Variants in ROR1 observed in about 807,000 individuals in gnomAD.
ROR1 encodes ROR family WNT receptor 1, also known as inactive tyrosine-protein kinase transmembrane receptor ROR1.
Under a neutral mutation model 78.8 loss-of-function variants are expected in ROR1, and 19 were observed. The observed-to-expected ratio is 0.24, with a 90% CI of 0.17 to 0.35. ROR1 has a LOEUF of 0.35. Among genes scored for constraint, ROR1 ranks in the 10% least tolerant of loss-of-function variants. ROR1 has a pLI of 1.00. For synonymous variants in ROR1, 386 were observed against 433.6 expected (o/e 0.89, Z 1.36); for missense variants, 917 against 1,177.8 (o/e 0.78, Z 3.24).
chr1:63,870,566 TTAGGTGTGGGTATA>T, intron 1 of ROR1, among the ~76,000 whole-genome samples: 1 of 152,200 alleles, frequency 6.6e-6, no homozygotes, highest in African/African-American at 2.4e-5. Context: ...GTAGACCAAG[TTAGGTGTGGGTATA>T]TATTAATAGT....
At chr1:64,041,360 A>C (rs144757206) in intron 2 of ROR1, among the ~76,000 whole-genome samples, 8 of 152,216 alleles carry the variant, frequency 5.3e-5, no homozygotes, top group Non-Finnish European at 1.0e-4. Flanking sequence ...TTTGGTAGAG[A>C]TCTTTTCTTA....
At chr1:63,821,602 A>T (rs1644923813) in intron 1 of ROR1, among the ~76,000 whole-genome samples, 1 of 152,196 alleles carries the variant, frequency 6.6e-6, no homozygotes, top group African/African-American at 2.4e-5. Flanking sequence ...AATTGAGTGC[A>T]GGTCTCTTAG....
chr1:64,170,870 G>A (rs940909430), intron 8 of ROR1, among the ~76,000 whole-genome samples: 1 of 152,134 alleles, frequency 6.6e-6, no homozygotes, highest in Non-Finnish European at 1.5e-5. Context: ...CATAACAAGA[G>A]TCACCTCTGC....
At chr1:64,132,381 G>A (rs1648944103) in intron 4 of ROR1, among the ~76,000 whole-genome samples, 1 of 152,124 alleles carries the variant, frequency 6.6e-6, no homozygotes, top group Non-Finnish European at 1.5e-5. Context: ...ACAAGTGTGT[G>A]TTTGAGTACC....
At position 64,059,708 on chromosome 1, in the gene ROR1, T is replaced by TAAA. The variant is rs75359961; in HGVS notation, c.482+9008_482+9010dup. On this transcript the variant is annotated intron_variant, in intron 4 of 8. Coordinates refer to ENST00000371079, the MANE Select transcript of ROR1 (RefSeq NM_005012.4). The stretch of plus-strand genomic sequence containing the variant: ...TGGGTGACACAGCGAGACTCCATCT[T>TAAA]AAAAAAAAAAAAAAAAAAGAGATGT... 8.2e-4 allele frequency among the ~76,000 whole-genome samples: 107 copies of TAAA among 130,794 alleles called. 1 individual carries two copies. Among genetic ancestry groups the TAAA allele is most frequent in the East Asian group, 2.0e-3 (9 of 4,482 alleles). 85.8% of individuals were successfully genotyped at this position (130,794 alleles called of 152,430 possible). A position where few individuals can be genotyped will look rare whatever the true frequency, so the allele number is the denominator to read the frequency against.
At chr1:64,148,083 C>A (rs1268966337) in intron 7 of ROR1, among the ~76,000 whole-genome samples, 1 of 152,146 alleles carries the variant, frequency 6.6e-6, no homozygotes, top group Non-Finnish European at 1.5e-5. Flanking sequence ...CAATAATATT[C>A]AATAGTAATT....
chr1:63,943,846 A>G (rs1645860786), intron 1 of ROR1, among the ~76,000 whole-genome samples: 1 of 152,262 alleles, frequency 6.6e-6, no homozygotes, highest in African/African-American at 2.4e-5. Flanking sequence ...AAAAGAAAAG[A>G]GAGAAACCAA....
At chr1:63,958,168 AT>A (rs1381615167) in intron 1 of ROR1, among the ~76,000 whole-genome samples, 1 of 152,168 alleles carries the variant, frequency 6.6e-6, no homozygotes, top group East Asian at 1.9e-4. Flanking sequence ...ACTGACATGA[AT>A]TATTTATTAT....
chr1:64,063,135 AGGAAAAAGAGGTTT>A (rs1331304396), intron 4 of ROR1, among the ~76,000 whole-genome samples: 3 of 152,224 alleles, frequency 2.0e-5, no homozygotes, highest in Non-Finnish European at 2.9e-5. Context: ...GATCAGGCAA[AGGAAAAAGAGGTTT>A]GGGATAGGGT....
At chr1:63,944,295 G>C (rs1471940678) in intron 1 of ROR1, among the ~76,000 whole-genome samples, 1 of 152,062 alleles carries the variant, frequency 6.6e-6, no homozygotes, top group East Asian at 1.9e-4. Context: ...CTTCCTTTCA[G>C]AAGGTTGAAA....
chr1:64,099,737 A>C (rs1043594071), intron 4 of ROR1, among the ~76,000 whole-genome samples: 2 of 152,326 alleles, frequency 1.3e-5, no homozygotes, highest in South Asian at 4.1e-4. Flanking sequence ...TTGCTTAACT[A>C]AGTTTGTGGG....
At chr1:63,973,103 T>A (rs1289947992) in intron 1 of ROR1, among the ~76,000 whole-genome samples, 1 of 152,224 alleles carries the variant, frequency 6.6e-6, no homozygotes, top group Non-Finnish European at 1.5e-5. Context: ...CAGGCCTGTC[T>A]TGGCTTTGCA....
At chr1:63,919,733 G>A (rs1342045414) in intron 1 of ROR1, among the ~76,000 whole-genome samples, 3 of 152,172 alleles carry the variant, frequency 2.0e-5, no homozygotes, top group South Asian at 2.1e-4. Context: ...TAGTGCCGCC[G>A]TCATCATGCT....
intron 1 of ROR1, among the ~76,000 whole-genome samples, chr1:63,785,489 T>G (rs1048561564): frequency 2.7e-5 from 4 of 145,868 alleles, no homozygotes; most frequent in African/African-American, 1.1e-4. Flanking sequence ...CAACTATATA[T>G]ATATATATTT....
rs1644602578 is a variant in ROR1, at chr1:63,774,670, G to A, written c.91+162G>A. ...CGCCGGCGCCGCCAGGCCAGGGTTT[G>A]CCCCGGAGCCCCGCCAGGCCAGGGT... On this transcript the variant is annotated intron_variant, in intron 1 of 8. Transcript: ENST00000371079. This position sits in a 1 kb window ranked among gnomAD's most constrained non-coding sequence, Gnocchi z 5.7. Among the ~76,000 whole-genome samples, 1 of 150,468 alleles carries A rather than the reference G, an allele frequency of 6.6e-6. No individual in the cohort carries two copies. The highest frequency in any genetic ancestry group is 1.5e-5 in the Non-Finnish European group (1 of 67,504).
intron 1 of ROR1, among the ~76,000 whole-genome samples, chr1:63,801,114 C>G (rs1401720578): frequency 1.3e-5 from 2 of 151,802 alleles, no homozygotes; most frequent in Non-Finnish European, 2.9e-5. Flanking sequence ...GAGAAAATTG[C>G]TGTATTATTA....
intron 1 of ROR1, among the ~76,000 whole-genome samples, chr1:63,854,324 G>A (rs1645134942): frequency 6.6e-6 from 1 of 152,170 alleles, no homozygotes; most frequent in African/African-American, 2.4e-5. Flanking sequence ...GGCAGGAGGA[G>A]GTTCCTGCAT....
chr1:63,822,723 TTG>T (rs1021275796), intron 1 of ROR1, among the ~76,000 whole-genome samples: 4 of 152,182 alleles, frequency 2.6e-5, no homozygotes, highest in African/African-American at 9.7e-5. Context: ...CAATTTAGCA[TTG>T]TGTGTGATTG....
chr1:63,873,297 A>G (rs1056992453), intron 1 of ROR1, among the ~76,000 whole-genome samples: 2 of 152,310 alleles, frequency 1.3e-5, no homozygotes, highest in Admixed American at 6.5e-5. Context: ...TCTGTTTCCA[A>G]TAGTATTGTA....
Sources: allele counts gnomAD v4.1 joint callset (sites outside exome capture counted in the v4.1 genomes callset), GRCh38; gene constraint gnomAD v4.1.1; non-coding constraint Gnocchi (gnomAD v3.1); transcripts MANE v1.5; gene names NCBI Gene and HGNC (gene_info 2026-07-23, HGNC 2026-07-21).